Variants in DGKE observed in about 807,000 individuals in gnomAD.
DGKE encodes DAG kinase epsilon.
DGKE carries 53 observed loss-of-function variants against 70.0 expected under a neutral mutation model. The ratio of observed to expected loss-of-function variants is 0.76; its 90% confidence interval spans 0.61 to 0.95. The LOEUF is 0.95. Among genes scored for constraint, DGKE ranks in the 40% least tolerant of loss-of-function variants. The pLI is 0.00. For missense variants in DGKE, 655 were observed against 706.9 expected, an observed-to-expected ratio of 0.93 and a Z score of 0.83; for synonymous variants, 291 against 257.0, an observed-to-expected ratio of 1.13 and a Z score of -1.27.
chr17:56,862,918 A>G lies in DGKE; in HGVS notation c.*127A>G. On this transcript the variant is annotated 3_prime_UTR_variant, in exon 12 of 12. Coordinates refer to ENST00000284061, the MANE Select transcript of DGKE (RefSeq NM_003647.3). ...ATTTCACTAGTAGTATAATGGGTAT[A>G]CATTTTTGTAAATAGCATCCCCAAA... is the stretch of plus-strand genomic sequence containing the variant. The G allele has an allele frequency of 1.1e-5, 8 of 747,850 alleles. No homozygotes were observed. The highest frequency in any genetic ancestry group is 1.3e-5 in the Non-Finnish European group (7 of 537,442). 46.3% of individuals were successfully genotyped at this position (747,850 alleles called of 1,614,324 possible). A position where few individuals can be genotyped will look rare whatever the true frequency, so the allele number is the denominator to read the frequency against.
rs1907256612 is a variant in DGKE at position 56,845,880 on chromosome 17, C to CA, written c.744+73dup. On this transcript the variant is annotated intron_variant, in intron 4 of 11. Coordinates refer to ENST00000284061, the MANE Select transcript of DGKE (RefSeq NM_003647.3). ...CAAAATGCAATGATTATTAATGCTT[C>CA]AAGTCACTAATCACCTGATCATAGG... 2.0e-5 allele frequency: 28 copies of CA among 1,407,700 alleles called. No individual in the cohort carries two copies. In the South Asian group the frequency reaches 4.1e-4, roughly 21 times the overall value. The allele number at this position is 1,407,700 out of a possible 1,614,324, so 87.2% of individuals were successfully genotyped here.
chr17:56,844,176 G>A lies in DGKE; in HGVS notation c.622G>A (p.Val208Met), dbSNP rs1351301690. Reference protein sequence around the residue: ...MRKDKKTDYEVLASKLGKQWT... With the variant: ...MRKDKKTDYEMLASKLGKQWT... ...TAAAGACAAAAAAACAGATTATGAAGTGGTAATTAGAGTTTATTTCTCTAA... is the reference window on the plus strand; with the variant it reads ...TAAAGACAAAAAAACAGATTATGAAATGGTAATTAGAGTTTATTTCTCTAA... Residue 208 changes from valine (V) to methionine (M), a missense_variant and splice_region_variant, in exon 3 of 12, where the codon GTG becomes ATG. By Grantham distance (21) the Val-to-Met change is conservative (BLOSUM62 1). Coordinates refer to ENST00000284061, the MANE Select transcript of DGKE (RefSeq NM_003647.3). 3.3e-6 allele frequency: 5 copies of A among 1,501,194 alleles called. No homozygotes were observed. In the South Asian group the frequency reaches 6.5e-5, roughly 19 times the overall value. The allele number at this position is 1,501,194 out of a possible 1,614,324, so 93.0% of individuals were successfully genotyped here.
At chr17:56,834,456 C>T (rs1472095200) in intron 1 of DGKE, among the ~76,000 whole-genome samples, 196 bp downstream of exon 1, 1 of 152,258 alleles carries the variant, frequency 6.6e-6, no homozygotes, top group Non-Finnish European at 1.5e-5. Context: ...CGGTGGAGGG[C>T]AGCTTGCCCC....
At chr17:56,857,492 T>C (rs184758061) in intron 8 of DGKE, among the ~76,000 whole-genome samples, 26 of 152,364 alleles carry the variant, frequency 1.7e-4, no homozygotes, top group Admixed American at 6.5e-4. Context: ...CTAGCAATTA[T>C]ATTCCTGGTT....
At chr17:56,856,444 G>T in intron 7 of DGKE, 68 bp from the exon 8 acceptor site, 2 of 1,483,222 alleles carry the variant, frequency 1.3e-6, no homozygotes, top group South Asian at 2.6e-5. Flanking sequence ...GACTAAGATT[G>T]ACATTTAATT....
At position 56,859,012 on chromosome 17, in the gene DGKE, C is replaced by T. The variant is rs139126518; in HGVS notation, c.1284+347C>T. Among the ~76,000 whole-genome samples the T allele has an allele frequency of 2.3e-4, 35 of 152,190 alleles. 1 individual carries two copies. The East Asian group carries it at 6.4e-3, about 28-fold the overall frequency. ...TCTGTTTAACTATTAGGGTGAGTGGCCTCCATTCATACATGATAAATAATT... is the reference window on the plus strand; with the variant it reads ...TCTGTTTAACTATTAGGGTGAGTGGTCTCCATTCATACATGATAAATAATT... On this transcript the variant is annotated intron_variant, in intron 9 of 11. Coordinates refer to ENST00000284061, the MANE Select transcript of DGKE (RefSeq NM_003647.3).
At chr17:56,844,844 A>T (rs1288377807) in intron 3 of DGKE, among the ~76,000 whole-genome samples, 3 of 152,142 alleles carry the variant, frequency 2.0e-5, no homozygotes, top group African/African-American at 7.2e-5. Flanking sequence ...TTAAGGAAAC[A>T]TCATAAAAAT....
In DGKE at chr17:56,842,455, T is replaced by C. The variant is rs548779928; in HGVS notation, c.465-1564T>C. On this transcript the variant is annotated intron_variant, in intron 2 of 11. Transcript: ENST00000284061. Reference sequence around the variant, plus strand: ...TTTCTGATTGCTTTTGATGGTGATATACTATTTTAAAGTTATGGTAGACCA... The same window carrying C: ...TTTCTGATTGCTTTTGATGGTGATACACTATTTTAAAGTTATGGTAGACCA... Among the ~76,000 whole-genome samples, 21 of 152,356 alleles carry C rather than the reference T, an allele frequency of 1.4e-4. No homozygotes were observed. The South Asian group carries it at 3.3e-3, about 24-fold the overall frequency.
chr17:56,848,912 A>T (rs1345082971), intron 6 of DGKE, 59 bp downstream of exon 6: 4 of 1,605,644 alleles, frequency 2.5e-6, no homozygotes, highest in Non-Finnish European at 8.5e-7. Flanking sequence ...TTGGTTAACA[A>T]GTGAAGACTT....
chr17:56,844,292 TTAAA>T (rs1436364020), intron 3 of DGKE, 114 bp downstream of exon 3: 1 of 666,326 alleles, frequency 1.5e-6, no homozygotes, highest in Non-Finnish European at 2.2e-6. Context: ...TAAAATAAAC[TTAAA>T]TAACAGATCA....
chr17:56,851,908 CAA>C (rs978716622), intron 7 of DGKE, among the ~76,000 whole-genome samples: 1 of 152,056 alleles, frequency 6.6e-6, no homozygotes, highest in Admixed American at 6.6e-5. Flanking sequence ...GAAAATACAA[CAA>C]AAAGCAAAGG....
chr17:56,834,852 C>G lies in DGKE; in HGVS notation c.57C>G (p.Asp19Glu). The change falls in exon 2 of 12, where the codon GAC (aspartate) becomes GAG (glutamate). Residue 19 changes from aspartate (D) to glutamate (E), a missense_variant. Transcript: ENST00000284061. ...PGSPSEGLFA[D>E]GHLILWTLCS... ...CGCCCTCCGAGGGCCTGTTTGCGGA[C>G]GGGCACCTGATCTTGTGGACGCTGT... 1 of 1,611,646 alleles carries G rather than the reference C, an allele frequency of 6.2e-7. No homozygotes were observed. Among genetic ancestry groups the G allele is most frequent in the Non-Finnish European group, 8.5e-7 (1 of 1,179,040 alleles).
chr17:56,859,200 C>T (rs568863863), intron 9 of DGKE, among the ~76,000 whole-genome samples: 1 of 150,882 alleles, frequency 6.6e-6, no homozygotes, highest in African/African-American at 2.4e-5. Flanking sequence ...TGGCGGGCGC[C>T]TGTAGTCCCA....
At chr17:56,849,067 A>G (rs1907489406) in intron 6 of DGKE, 114 bp from the exon 7 acceptor site, 5 of 1,212,212 alleles carry the variant, frequency 4.1e-6, no homozygotes, top group Middle Eastern at 5.4e-4. Context: ...ATGCTCATAT[A>G]CGTGTGGTTA....
rs1266875850 is a variant in DGKE, at chr17:56,835,151, T to C, written c.356T>C (p.Val119Ala). 6.8e-6 allele frequency: 11 copies of C among 1,613,958 alleles called. No homozygotes were observed. The Admixed American group carries it at 1.7e-4, about 24-fold the overall frequency. Residue 119 changes from valine (V) to alanine (A), a missense_variant, in exon 2 of 12, where the codon GTC (valine) becomes GCC (alanine). Transcript: ENST00000284061. ...KEIMLKNDTK[V>A]LDAMPHHWIR... Reference sequence around the variant, plus strand: ...ATTATGCTCAAGAATGACACCAAGGTCCTGGACGCCATGCCCCACCACTGG... The same window carrying C: ...ATTATGCTCAAGAATGACACCAAGGCCCTGGACGCCATGCCCCACCACTGG...
rs145898160 is a variant in DGKE, at chr17:56,839,887, T to C, written c.465-4132T>C. Reference sequence around the variant, plus strand: ...ATAATAGCTATTATCTTGGTTAAAATAATCTTTTCTGGGCTGAGCGCAGTG... The same window carrying C: ...ATAATAGCTATTATCTTGGTTAAAACAATCTTTTCTGGGCTGAGCGCAGTG... On this transcript the variant is annotated intron_variant, in intron 2 of 11. Coordinates refer to ENST00000284061, the MANE Select transcript of DGKE (RefSeq NM_003647.3). Among the ~76,000 whole-genome samples the C allele has an allele frequency of 1.2e-3, 181 of 152,222 alleles. 2 individuals are homozygous for C. The highest frequency in any genetic ancestry group is 4.2e-3 in the African/African-American group (176 of 41,542).
chr17:56,857,796 C>T (rs770808863), intron 8 of DGKE, among the ~76,000 whole-genome samples: 25 of 151,838 alleles, frequency 1.6e-4, no homozygotes, highest in Non-Finnish European at 2.6e-4. Flanking sequence ...ACTTCTAGGC[C>T]GCGCATGGTG....
At chr17:56,860,683 G>A (rs1181705821) in intron 9 of DGKE, among the ~76,000 whole-genome samples, 1 of 152,200 alleles carries the variant, frequency 6.6e-6, no homozygotes, top group African/African-American at 2.4e-5. Flanking sequence ...AAGTCTTTCT[G>A]GAAGAAGTGA....
chr17:56,856,407 G>T (rs1251071337), intron 7 of DGKE, 105 bp from the exon 8 acceptor site: 16 of 1,234,932 alleles, frequency 1.3e-5, no homozygotes, highest in Non-Finnish European at 1.6e-5. Context: ...AATGCAGAAA[G>T]CATCTCCATT....
Sources: gnomAD v4.1 joint callset for allele counts (sites outside exome capture counted in the v4.1 genomes callset) on GRCh38, gnomAD v4.1.1 for gene constraint, MANE v1.5 for transcripts, NCBI Gene and HGNC (gene_info 2026-07-23, HGNC 2026-07-21) for gene names.